The following ASTN2 variants were observed in gnomAD, a reference collection of about 807,000 sequenced individuals.
ASTN2 encodes the protein astrotactin 2.
A neutral mutation model predicts 139.8 loss-of-function variants in ASTN2; 54 were observed. The observed-to-expected ratio is 0.39, with a 90% CI of 0.31 to 0.48. ASTN2 has a LOEUF of 0.48. Among genes scored for constraint, ASTN2 ranks in the 20% least tolerant of loss-of-function variants. ASTN2 has a pLI of 0.95. For missense variants in ASTN2, 1,565 were observed against 1,725.1 expected, an observed-to-expected ratio of 0.91 and a Z score of 1.64; for synonymous variants, 756 against 719.5, an observed-to-expected ratio of 1.05 and a Z score of -0.81.
intron 10 of ASTN2, among the ~76,000 whole-genome samples, chr9:116,871,283 A>C (rs1833159447): frequency 6.6e-6 from 1 of 152,214 alleles, no homozygotes; most frequent in Non-Finnish European, 1.5e-5. Flanking sequence ...ATAAAATAAA[A>C]TAAAAAATCC....
rs559455448 is a variant in ASTN2, at chr9:116,657,202, T to C, written c.2807-5409A>G. 1.3e-4 allele frequency among the ~76,000 whole-genome samples: 20 copies of C among 152,322 alleles called. 1 individual carries two copies. In the South Asian group the frequency reaches 3.9e-3, roughly 30 times the overall value. ...CACTAGCAAGGCCTGCACTTCTGTG[T>C]TGTGCAATATGAACTTCTCAGCCTA... is the stretch of plus-strand genomic sequence containing the variant. On this transcript the variant is annotated intron_variant, in intron 16 of 22. Coordinates refer to ENST00000313400, the MANE Select transcript of ASTN2 (RefSeq NM_001365068.1).
intron 2 of ASTN2, among the ~76,000 whole-genome samples, chr9:117,227,127 G>A (rs1257957705): frequency 6.6e-5 from 10 of 152,092 alleles, no homozygotes; most frequent in Admixed American, 6.5e-4. Context: ...AGTTGGTGTG[G>A]GTGAGGGTCA....
chr9:116,668,862 T>C (rs1024189577), intron 16 of ASTN2, among the ~76,000 whole-genome samples: 1 of 152,156 alleles, frequency 6.6e-6, no homozygotes, highest in African/African-American at 2.4e-5. Flanking sequence ...ACTTAGTGTG[T>C]CGGTCAGTGA....
chr9:117,026,666 G>T (rs575910583), intron 6 of ASTN2, among the ~76,000 whole-genome samples: 1 of 152,180 alleles, frequency 6.6e-6, no homozygotes, highest in South Asian at 2.1e-4. Context: ...CAGGTTCCTT[G>T]TCGCCAGCTT....
chr9:117,316,464 A>G (rs925224154), intron 1 of ASTN2, among the ~76,000 whole-genome samples: 9 of 152,156 alleles, frequency 5.9e-5, no homozygotes, highest in Non-Finnish European at 1.0e-4. Flanking sequence ...TCTCTCCCTC[A>G]TGAGAGCCTC....
chr9:116,992,530 G>T (rs1836888953), intron 7 of ASTN2, among the ~76,000 whole-genome samples: 1 of 152,134 alleles, frequency 6.6e-6, no homozygotes, highest in Non-Finnish European at 1.5e-5. Context: ...TGCCTGAGGT[G>T]CCTCATTCAG....
Position 117,328,002 on chromosome 9 carries a change from C to T in ASTN2, c.443-36489G>A, listed in dbSNP as rs78206984. 5.1e-3 allele frequency among the ~76,000 whole-genome samples: 779 copies of T among 152,140 alleles called. 1 individual carries two copies. The highest frequency in any genetic ancestry group is 0.01 in the Middle Eastern group (3 of 294). On this transcript the variant is annotated intron_variant, in intron 1 of 22. Transcript: ENST00000313400. ...AAGCCCAAAGGGAAAGTTAAAGGAC[C>T]GAGCTTGGGAAATTTCAGTAGAGCT...
chr9:117,296,356 T>G (rs1834738154), intron 1 of ASTN2, among the ~76,000 whole-genome samples: 1 of 151,496 alleles, frequency 6.6e-6, no homozygotes, highest in Admixed American at 6.6e-5. Context: ...TTAAGGGCTT[T>G]GAATGCTTGG....
chr9:117,158,382 T>C (rs563787110), intron 3 of ASTN2, among the ~76,000 whole-genome samples: 7 of 152,220 alleles, frequency 4.6e-5, no homozygotes, highest in Admixed American at 1.3e-4. Flanking sequence ...AAGACTGCAT[T>C]CTAATTTTCC....
chr9:116,826,497 C>T (rs556203288), intron 11 of ASTN2, among the ~76,000 whole-genome samples: 28 of 152,298 alleles, frequency 1.8e-4, no homozygotes, highest in African/African-American at 5.5e-4. Context: ...ATACCCACCA[C>T]CCTGCTATGG....
At chr9:116,761,767 A>G (rs146785764) in intron 13 of ASTN2, among the ~76,000 whole-genome samples, 31 of 152,122 alleles carry the variant, frequency 2.0e-4, no homozygotes, top group African/African-American at 7.0e-4. Flanking sequence ...CCTGGGCACA[A>G]TGAGGAGGCC....
At position 117,225,537 on chromosome 9, in the gene ASTN2, A is replaced by G. The variant is rs1023295; in HGVS notation, c.631-10795T>C. Among the ~76,000 whole-genome samples the G allele has an allele frequency of 8.6e-3, 210 of 24,370 alleles. 6 individuals carry two copies. Among genetic ancestry groups the G allele is most frequent in the African/African-American group, 0.042 (191 of 4,546 alleles). 16.0% of individuals were successfully genotyped at this position (24,370 alleles called of 152,430 possible). On this transcript the variant is annotated intron_variant, in intron 2 of 22. Transcript: ENST00000313400. ...AGACCAGCCTGGCCAAGCTGTATGT[A>G]TATATATATATATATATATATATAT...
chr9:116,489,790 T>C (rs1383189808), intron 19 of ASTN2, among the ~76,000 whole-genome samples: 1 of 152,216 alleles, frequency 6.6e-6, no homozygotes, highest in Non-Finnish European at 1.5e-5. Flanking sequence ...GAGCAGGTCT[T>C]GATGGGTACT....
At position 116,950,963 on chromosome 9, in the gene ASTN2, T is replaced by A. The variant is rs577216795; in HGVS notation, c.1889+24245A>T. 4.4e-3 allele frequency among the ~76,000 whole-genome samples: 670 copies of A among 152,292 alleles called. 5 individuals are homozygous for A. The highest frequency in any genetic ancestry group is 0.016 in the African/African-American group (652 of 41,562). ...AAGAATGTGTCTCTACAGCTCCTGG[T>A]GCCCATGCCCCATACCTATGGAAGA... On this transcript the variant is annotated intron_variant, in intron 10 of 22. Transcript: ENST00000313400.
At chr9:116,539,333 T>A (rs1264640565) in intron 19 of ASTN2, among the ~76,000 whole-genome samples, 2 of 151,390 alleles carry the variant, frequency 1.3e-5, no homozygotes, top group African/African-American at 4.9e-5. Context: ...TGAAGTTGTA[T>A]GGTATGTAAA....
intron 10 of ASTN2, among the ~76,000 whole-genome samples, chr9:116,925,713 G>T (rs984486488): frequency 6.6e-6 from 1 of 151,436 alleles, no homozygotes; most frequent in African/African-American, 2.4e-5. Flanking sequence ...TGGGGGGTGG[G>T]GGGATGAACA....
intron 3 of ASTN2, among the ~76,000 whole-genome samples, chr9:117,176,458 G>T (rs1830919249): frequency 6.6e-6 from 1 of 151,982 alleles, no homozygotes; most frequent in South Asian, 2.1e-4. Context: ...CAAAATATTT[G>T]TATTCTCATT....
At chr9:117,353,775 A>G (rs949278812) in intron 1 of ASTN2, among the ~76,000 whole-genome samples, 9 of 152,096 alleles carry the variant, frequency 5.9e-5, no homozygotes, top group Admixed American at 1.3e-4. Context: ...TTAAATGCAT[A>G]TTACTAAGTG....
chr9:117,353,073 G>T (rs942205262), intron 1 of ASTN2, among the ~76,000 whole-genome samples: 2 of 152,140 alleles, frequency 1.3e-5, no homozygotes, highest in Non-Finnish European at 2.9e-5. Flanking sequence ...TCATGAAAAA[G>T]TGTTGGAAAT....
Sources: allele counts gnomAD v4.1 joint callset (sites outside exome capture counted in the v4.1 genomes callset), GRCh38; gene constraint gnomAD v4.1.1; transcripts MANE v1.5; gene names NCBI Gene and HGNC (gene_info 2026-07-23, HGNC 2026-07-21).